Variants in ABI3BP observed in about 807,000 individuals in gnomAD.
ABI3BP encodes target of Nesh-SH3.
Under a neutral mutation model 268.6 loss-of-function variants are expected in ABI3BP, and 216 were observed. The ratio of observed to expected loss-of-function variants is 0.80; its 90% CI spans 0.72 to 0.90. The LOEUF (loss-of-function observed/expected upper bound fraction) is 0.90. Ranked by LOEUF, ABI3BP falls within the 40% of genes least tolerant of loss-of-function variation. The pLI is 0.00. For synonymous variants in ABI3BP, 730 were observed against 730.0 expected, an observed-to-expected ratio of 1.00 and a Z score of 0.00; for missense variants, 2,090 against 2,182.4, an observed-to-expected ratio of 0.96 and a Z score of 0.84.
intron 4 of ABI3BP, among the ~76,000 whole-genome samples, chr3:100,894,815 T>G (rs1283256768): frequency 6.6e-6 from 1 of 151,394 alleles, no homozygotes; most frequent in Non-Finnish European, 1.5e-5. Flanking sequence ...GGCCGGTGCC[T>G]GTAGTCCCAG....
At chr3:100,895,461 A>T (rs138766049) in intron 4 of ABI3BP, among the ~76,000 whole-genome samples, 98 of 152,362 alleles carry the variant, frequency 6.4e-4, no homozygotes, top group African/African-American at 2.2e-3. Flanking sequence ...GAGCTTTGAT[A>T]TACAAAGTCC....
chr3:100,749,327 ACT>A lies in ABI3BP; in HGVS notation c.*1166_*1167del. The A allele has an allele frequency of 4.0e-6, 1 of 253,144 alleles. No individual in the cohort carries two copies. Among genetic ancestry groups the A allele is most frequent in the Non-Finnish European group, 7.4e-6 (1 of 135,060 alleles). 15.7% of individuals were successfully genotyped at this position (253,144 alleles called of 1,614,324 possible). ...AACCATTCAGAAATAACAAACAAAA[ACT>A]CAATCTTAAAAAAAAACTACATCTC... is the stretch of plus-strand genomic sequence containing the variant. On this transcript the variant is annotated 3_prime_UTR_variant, in exon 68 of 68. Transcript: ENST00000471714.
At position 100,847,610 on chromosome 3, in the gene ABI3BP, G is replaced by T. The variant is rs2098786500; in HGVS notation, c.1640C>A (p.Thr547Lys). ...GGACATATCATTATTACCCGGTGTTGTCCATGTAGGTTCAGGGCTTTTAGA... is the reference window on the plus strand; with the variant it reads ...GGACATATCATTATTACCCGGTGTTTTCCATGTAGGTTCAGGGCTTTTAGA... ...KISKSPEPTW[T>K]TPAPGKTQFI... Residue 547 changes from threonine to lysine, a missense_variant, in exon 19 of 68, where the codon ACA becomes AAA. Coordinates refer to ENST00000471714, the MANE Select transcript of ABI3BP (RefSeq NM_001375547.2). The T allele has an allele frequency of 8.1e-6, 13 of 1,611,496 alleles. No individual in the cohort carries two copies. Among genetic ancestry groups the T allele is most frequent in the Non-Finnish European group, 1.1e-5 (13 of 1,177,756 alleles).
At chr3:100,918,589 ATGGCCT>A (rs898557526) in intron 2 of ABI3BP, among the ~76,000 whole-genome samples, 6 of 152,038 alleles carry the variant, frequency 3.9e-5, no homozygotes, top group African/African-American at 1.4e-4. Context: ...CTGGCCAGAA[ATGGCCT>A]TGTGTACAGT....
intron 1 of ABI3BP, among the ~76,000 whole-genome samples, chr3:100,965,967 G>A (rs1244461947): frequency 6.6e-6 from 1 of 152,138 alleles, no homozygotes; most frequent in East Asian, 1.9e-4. Context: ...CTTTAAGGGA[G>A]GACTTCAACC....
chr3:100,846,514 GAAGGA>G (rs1163140841), intron 19 of ABI3BP, 68 bp from the exon 20 acceptor site: 5 of 1,155,170 alleles, frequency 4.3e-6, no homozygotes, highest in Non-Finnish European at 6.2e-6. Flanking sequence ...TAAAAACACA[GAAGGA>G]AAACCTAGAA....
intron 20 of ABI3BP, chr3:100,843,764 C>T (rs79453720): frequency 0.097 from 94,989 of 981,356 alleles, 4,765 homozygotes; most frequent in Admixed American, 0.18. Context: ...AATAAGCATT[C>T]ATACCTGAAG....
chr3:100,765,479 T>G (rs2096230985), intron 63 of ABI3BP, among the ~76,000 whole-genome samples: 1 of 152,228 alleles, frequency 6.6e-6, no homozygotes. Flanking sequence ...CCCTCTCCTT[T>G]CCAGCGTTTT....
chr3:100,907,321 C>T (rs2053875003), intron 2 of ABI3BP, among the ~76,000 whole-genome samples: 1 of 152,080 alleles, frequency 6.6e-6, no homozygotes, highest in Non-Finnish European at 1.5e-5. Context: ...CAGTGAAACC[C>T]CATCTCTACA....
At chr3:100,936,364 T>G (rs1414935567) in intron 1 of ABI3BP, among the ~76,000 whole-genome samples, 1 of 152,232 alleles carries the variant, frequency 6.6e-6, no homozygotes, top group Non-Finnish European at 1.5e-5. Context: ...GATGTGCTGC[T>G]GGATTTGGTT....
At chr3:100,865,082 C>T (rs1032417874) in intron 10 of ABI3BP, among the ~76,000 whole-genome samples, 175 bp from the exon 11 acceptor site, 1 of 152,150 alleles carries the variant, frequency 6.6e-6, no homozygotes, top group African/African-American at 2.4e-5. Context: ...GCTGACACTC[C>T]TCTCCAACTG....
intron 36 of ABI3BP, 92 bp downstream of exon 36, chr3:100,824,766 A>G (rs1208658829): frequency 3.7e-6 from 4 of 1,071,140 alleles, no homozygotes; most frequent in Non-Finnish European, 5.3e-6. Flanking sequence ...AGGGAGAATA[A>G]GACCTGTTGC....
chr3:100,816,858 T>C lies in ABI3BP; in HGVS notation c.3149-90A>G. On this transcript the variant is annotated intron_variant, in intron 42 of 67. Transcript: ENST00000471714. ...AAAGGTATGTCATATTTCCTTGAGA[T>C]TTAAGTCATATGTCTTTTAAGATTA... 10 of 844,474 alleles carry C rather than the reference T, an allele frequency of 1.2e-5. No homozygotes were observed. The South Asian group carries it at 1.6e-4, about 14-fold the overall frequency. 52.3% of individuals were successfully genotyped at this position (844,474 alleles called of 1,614,324 possible). A position where few individuals can be genotyped will look rare whatever the true frequency, so the allele number is the denominator to read the frequency against.
chr3:100,866,963 A>G lies in ABI3BP; in HGVS notation c.911-7T>C. ...GCCAAGGTTTCATTCTTAGCTAAAA[A>G]GTCAGAGAACAAACAATTTATCTCA... On this transcript the variant is annotated splice_polypyrimidine_tract_variant and splice_region_variant and intron_variant, in intron 9 of 67. Transcript: ENST00000471714. 6.2e-7 allele frequency: 1 copy of G among 1,612,934 alleles called. No homozygotes were observed. The highest frequency in any genetic ancestry group is 8.5e-7 in the Non-Finnish European group (1 of 1,179,074).
At chr3:100,986,036 A>G (rs977367995) in intron 1 of ABI3BP, among the ~76,000 whole-genome samples, 4 of 152,226 alleles carry the variant, frequency 2.6e-5, no homozygotes, top group Admixed American at 2.6e-4. Context: ...AGAATATGGC[A>G]GAAGTGATGG....
chr3:100,852,002 TAGAA>T (rs2098846527), intron 14 of ABI3BP, 62 bp from the exon 15 acceptor site: 11 of 1,385,642 alleles, frequency 7.9e-6, no homozygotes, highest in Non-Finnish European at 9.8e-6. Flanking sequence ...TTGATTAATT[TAGAA>T]AGATTACATG....
chr3:100,935,985 A>G (rs1210841895), intron 1 of ABI3BP, among the ~76,000 whole-genome samples: 1 of 151,646 alleles, frequency 6.6e-6, no homozygotes, highest in East Asian at 2.0e-4. Context: ...CTCTTGCCTG[A>G]TTGCCCTGGC....
At chr3:100,864,141 T>C in intron 11 of ABI3BP, 65 bp from the exon 12 acceptor site, 6 of 1,049,078 alleles carry the variant, frequency 5.7e-6, no homozygotes, top group Non-Finnish European at 8.5e-6. Context: ...GGCTTAACCA[T>C]GATCATGCAC....
chr3:100,815,739 C>G (rs1490406719), intron 44 of ABI3BP, among the ~76,000 whole-genome samples, 173 bp downstream of exon 44: 1 of 152,102 alleles, frequency 6.6e-6, no homozygotes, highest in African/African-American at 2.4e-5. Context: ...CCAGGGACAT[C>G]TGCGAAAAAC....
Sources: allele counts gnomAD v4.1 joint callset (sites outside exome capture counted in the v4.1 genomes callset), GRCh38; gene constraint gnomAD v4.1.1; transcripts MANE v1.5; gene names NCBI Gene and HGNC (gene_info 2026-07-23, HGNC 2026-07-21).